The following CHRNB1 variants were observed in gnomAD, a reference collection of about 807,000 sequenced individuals.
CHRNB1 encodes cholinergic receptor nicotinic beta 1 subunit.
Under a neutral mutation model 53.8 loss-of-function variants are expected in CHRNB1, and 47 were observed. That is an observed-to-expected ratio of 0.87 (90% CI 0.69 to 1.11). The LOEUF (loss-of-function observed/expected upper bound fraction) is 1.11, where lower values mean the gene tolerates loss of function less well. Among genes scored for constraint, CHRNB1 ranks in the 50% most tolerant of loss-of-function variants. CHRNB1 has a pLI of 0.00. For missense variants in CHRNB1, 605 were observed against 654.9 expected, an observed-to-expected ratio of 0.92 and a Z score of 0.83; for synonymous variants, 259 against 263.5, an observed-to-expected ratio of 0.98 and a Z score of 0.16.
Position 7,448,592 on chromosome 17 carries a change from G to A in CHRNB1, c.624G>A (p.Trp208Ter), listed in dbSNP as rs1338516656. 1.2e-6 allele frequency: 2 copies of A among 1,614,022 alleles called. No homozygotes were observed. Among genetic ancestry groups the A allele is most frequent in the Non-Finnish European group, 1.7e-6 (2 of 1,180,030 alleles). ...GCTCATCCCCAGAGAATGGCCAGTG[G>A]GAGATTATCCACAAGCCCTCTCGGC... ...HEGTFIENGQ[W>*]EIIHKPSRLI... Residue 208 changes from tryptophan to a stop codon, truncating the protein, a stop_gained, in exon 7 of 11, where the codon TGG (tryptophan) becomes TGA (stop). Coordinates refer to ENST00000306071, the MANE Select transcript of CHRNB1 (RefSeq NM_000747.3). LOFTEE classifies it high-confidence loss of function.
intron 9 of CHRNB1, 68 bp from the exon 10 acceptor site, chr17:7,455,726 G>T: frequency 6.2e-7 from 1 of 1,606,428 alleles, no homozygotes; most frequent in South Asian, 1.1e-5. Context: ...GAGGCAGCTG[G>T]AGCGGGGCCT....
chr17:7,448,548 TC>T, intron 6 of CHRNB1, 30 bp from the exon 7 acceptor site: 1 of 1,610,536 alleles, frequency 6.2e-7, no homozygotes, highest in Non-Finnish European at 8.5e-7. Flanking sequence ...AGCTCTCACA[TC>T]TGTGTTCCCC....
At chr17:7,447,934 T>A (rs1908714290) in intron 6 of CHRNB1, among the ~76,000 whole-genome samples, 1 of 147,840 alleles carries the variant, frequency 6.8e-6, no homozygotes, top group South Asian at 2.2e-4. Flanking sequence ...AATTAGCCAG[T>A]CATGGTGGCA....
In CHRNB1 at chr17:7,455,354, A is replaced by C; in HGVS notation, c.1115A>C (p.Glu372Ala). The change falls in exon 9 of 11, where the codon GAG becomes GCG. Residue 372 changes from glutamate (E) to alanine (A), a missense_variant. By Grantham distance (107) the Glu-to-Ala change is moderately radical (BLOSUM62 -1). Transcript: ENST00000306071. Reference protein sequence around the residue: ...RPKPERDLMPEPPHCSSPGSG... With the variant: ...RPKPERDLMPAPPHCSSPGSG... ...AAACCCGAGAGAGACCTGATGCCGG[A>C]GCCCCCTCACTGTTCTTCTCCAGGA... 6.2e-7 allele frequency: 1 copy of C among 1,614,152 alleles called. No homozygotes were observed. The highest frequency in any genetic ancestry group is 1.1e-5 in the South Asian group (1 of 91,074).
intron 3 of CHRNB1, 95 bp downstream of exon 3, chr17:7,446,208 T>A: frequency 9.3e-7 from 1 of 1,071,676 alleles, no homozygotes; most frequent in Non-Finnish European, 1.4e-6. Flanking sequence ...ACATCATGAC[T>A]TTAGATAACA....
chr17:7,447,604 CG>C lies in CHRNB1; in HGVS notation c.567del (p.Gln190LysfsTer28). The C allele has an allele frequency of 6.2e-7, 1 of 1,614,190 alleles. No homozygotes were observed. Among genetic ancestry groups the C allele is most frequent in the South Asian group, 1.1e-5 (1 of 91,090 alleles). On this transcript the variant is annotated frameshift_variant, in exon 6 of 11. Coordinates refer to ENST00000306071, the MANE Select transcript of CHRNB1 (RefSeq NM_000747.3). LOFTEE classifies it high-confidence loss of function. ...VSLQTGLGPD[G>X]QGHQEIHIHE... is the part of the protein sequence containing the mutation. Reference sequence around the variant, plus strand: ...GCCTGCAGACAGGCCTGGGTCCTGACGGGCAAGGGCATCAGGAAATCCACAT... The same window carrying C: ...GCCTGCAGACAGGCCTGGGTCCTGACGGCAAGGGCATCAGGAAATCCACAT...
intron 6 of CHRNB1, 115 bp from the exon 7 acceptor site, chr17:7,448,464 A>T: frequency 2.2e-6 from 2 of 906,334 alleles, no homozygotes; most frequent in South Asian, 2.8e-5. Flanking sequence ...CAGTTTTCAC[A>T]GCTAGTTTCA....
Position 7,448,561 on chromosome 17 carries a change from C to G in CHRNB1, c.611-18C>G, listed in dbSNP as rs1250285171. ...ACAGCTCTCACATCTGTGTTCCCCT[C>G]CTTCTGCTCATCCCCAGAGAATGGC... On this transcript the variant is annotated intron_variant, in intron 6 of 10. Transcript: ENST00000306071. 2 of 1,613,458 alleles carry G rather than the reference C, an allele frequency of 1.2e-6. No individual in the cohort carries two copies. The highest frequency in any genetic ancestry group is 1.3e-5 in the African/African-American group (1 of 75,028).
intron 10 of CHRNB1, 74 bp downstream of exon 10, chr17:7,456,015 T>C: frequency 8.2e-7 from 1 of 1,212,542 alleles, no homozygotes. Flanking sequence ...GCACCAGCAC[T>C]CGCTTTCGTT....
chr17:7,445,426 G>T lies in CHRNB1; in HGVS notation c.198+17G>T. ...ATCAGCCTGGTGAGGGCGCGCGGGG[G>T]GTGGAGGTCAGGCCAGCCGACCGGC... On this transcript the variant is annotated intron_variant, in intron 2 of 10. Transcript: ENST00000306071. This position sits in a 1 kb window ranked among gnomAD's most constrained non-coding sequence, Gnocchi z 5.7. 2 of 1,610,014 alleles carry T rather than the reference G, an allele frequency of 1.2e-6. No homozygotes were observed. Among genetic ancestry groups the T allele is most frequent in the South Asian group, 2.2e-5 (2 of 90,820 alleles).
intron 7 of CHRNB1, among the ~76,000 whole-genome samples, chr17:7,449,415 T>G (rs1908796776): frequency 6.8e-6 from 1 of 146,116 alleles, no homozygotes; most frequent in Non-Finnish European, 1.5e-5. Flanking sequence ...TTTTTTTTTT[T>G]TTTTTTTTTT....
In CHRNB1 at chr17:7,447,538, T is replaced by A; in HGVS notation, c.498T>A (p.Thr166=). 6.2e-7 allele frequency: 1 copy of A among 1,614,168 alleles called. No individual in the cohort carries two copies. The highest frequency in any genetic ancestry group is 8.5e-7 in the Non-Finnish European group (1 of 1,180,032). The change falls in exon 6 of 11, where the codon ACT becomes ACA. Residue 166 remains threonine (T), a synonymous_variant. Coordinates refer to ENST00000306071, the MANE Select transcript of CHRNB1 (RefSeq NM_000747.3). ...TYFPFDWQNC[T]MVFSSYSYDS... is the part of the protein sequence containing the mutation. ...TCCCCTTCGACTGGCAGAATTGCACTATGGTGTTCAGCTCCTACAGCTACG... is the reference window on the plus strand; with the variant it reads ...TCCCCTTCGACTGGCAGAATTGCACAATGGTGTTCAGCTCCTACAGCTACG...
At position 7,447,609 on chromosome 17, in the gene CHRNB1, A is replaced by G. The variant is rs768053327; in HGVS notation, c.569A>G (p.Gln190Arg). The change falls in exon 6 of 11, where the codon CAA (glutamine) becomes CGA (arginine). Residue 190 changes from glutamine to arginine, a missense_variant. By Grantham distance (43) the Gln-to-Arg change is conservative (BLOSUM62 1). Coordinates refer to ENST00000306071, the MANE Select transcript of CHRNB1 (RefSeq NM_000747.3). Reference sequence around the variant, plus strand: ...CAGACAGGCCTGGGTCCTGACGGGCAAGGGCATCAGGAAATCCACATTCAT... The same window carrying G: ...CAGACAGGCCTGGGTCCTGACGGGCGAGGGCATCAGGAAATCCACATTCAT... ...SLQTGLGPDG[Q>R]GHQEIHIHEG... 6.2e-7 allele frequency: 1 copy of G among 1,614,090 alleles called. No individual in the cohort carries two copies. The highest frequency in any genetic ancestry group is 1.7e-5 in the Admixed American group (1 of 60,004).
At chr17:7,455,610 G>T in intron 9 of CHRNB1, 154 bp downstream of exon 9, 2 of 1,236,562 alleles carry the variant, frequency 1.6e-6, no homozygotes, top group Non-Finnish European at 2.4e-6. Flanking sequence ...AGGGGAGGTG[G>T]GAACTAAAAC....
At chr17:7,447,328 C>A (rs1908681329) in intron 5 of CHRNB1, 175 bp from the exon 6 acceptor site, 1 of 922,772 alleles carries the variant, frequency 1.1e-6, no homozygotes, top group Admixed American at 2.0e-5. Flanking sequence ...CTTTCTTTGA[C>A]TTCTAGTCTT....
rs1483469349 is a variant in CHRNB1 at position 7,455,869 on chromosome 17, G to A, written c.1293G>A (p.Pro431=). The A allele has an allele frequency of 2.5e-6, 4 of 1,614,014 alleles. No homozygotes were observed. The highest frequency in any genetic ancestry group is 2.2e-5 in the East Asian group (1 of 44,878). The change falls in exon 10 of 11, where the codon CCG becomes CCA. Residue 431 remains proline (P), a synonymous_variant. Transcript: ENST00000306071. The stretch of plus-strand genomic sequence containing the variant: ...CAAACCGGGCTGTGGCCCTGCTTCC[G>A]GAGCTACGGGAGGTCGTCTCCTCTA... The part of the protein sequence containing the change: ...DGPNRAVALL[P]ELREVVSSIS...
chr17:7,448,549 C>T (rs1567677768), intron 6 of CHRNB1, 30 bp from the exon 7 acceptor site: 2 of 1,610,370 alleles, frequency 1.2e-6, no homozygotes, highest in Non-Finnish European at 8.5e-7. Flanking sequence ...GCTCTCACAT[C>T]TGTGTTCCCC....
intron 4 of CHRNB1, 43 bp downstream of exon 4, chr17:7,446,985 G>C (rs745997895): frequency 6.0e-5 from 97 of 1,605,816 alleles, no homozygotes; most frequent in East Asian, 2.9e-4. Flanking sequence ...CGGGGCCTCG[G>C]GGGGCGGGGG....
At chr17:7,456,552 A>G in intron 10 of CHRNB1, 31 bp from the exon 11 acceptor site, 1 of 1,613,794 alleles carries the variant, frequency 6.2e-7, no homozygotes, top group Non-Finnish European at 8.5e-7. Context: ...CTGGGCCCAG[A>G]GCTCAGGAAG....
Sources: allele counts gnomAD v4.1 joint callset (sites outside exome capture counted in the v4.1 genomes callset), GRCh38; gene constraint gnomAD v4.1.1; non-coding constraint Gnocchi (gnomAD v3.1); transcripts MANE v1.5; gene names NCBI Gene and HGNC (gene_info 2026-07-23, HGNC 2026-07-21).